The following CNDP1 variants were observed in gnomAD, a reference collection of about 807,000 sequenced individuals.
CNDP1 encodes beta-Ala-His dipeptidase.
CNDP1 carries 44 observed loss-of-function variants against 58.1 expected under a neutral mutation model. The observed-to-expected ratio is 0.76, with a 90% CI of 0.60 to 0.97. The LOEUF is 0.97. CNDP1 is among the 50% of genes least tolerant of loss of function. The probability of loss-of-function intolerance (pLI) is 0.00; values close to 1 mark genes in which losing one functional copy is unlikely to be tolerated. For missense variants in CNDP1, 616 were observed against 655.1 expected, an observed-to-expected ratio of 0.94 and a Z score of 0.65; for synonymous variants, 254 against 252.6, an observed-to-expected ratio of 1.01 and a Z score of -0.05.
In CNDP1 at chr18:74,545,512, G is replaced by A. The variant is rs1980735890; in HGVS notation, c.24+10821G>A. On this transcript the variant is annotated intron_variant, in intron 1 of 11. Transcript: ENST00000358821. This position sits in a 1 kb window ranked among gnomAD's most constrained non-coding sequence, Gnocchi z 4.1. ...GTTATTTGGTGCTGTCTGCATTTTG[G>A]TGTCTCCACCTTGGCCCACGGTCCC... 6.6e-6 allele frequency among the ~76,000 whole-genome samples: 1 copy of A among 152,082 alleles called. No individual in the cohort carries two copies. Among genetic ancestry groups the A allele is most frequent in the African/African-American group, 2.4e-5 (1 of 41,408 alleles).
In CNDP1 at chr18:74,562,117, C is replaced by A; in HGVS notation, c.537C>A (p.Ala179=). The change falls in exon 5 of 12, where the codon GCC becomes GCA. Residue 179 remains alanine (A), a synonymous_variant. Coordinates refer to ENST00000358821, the MANE Select transcript of CNDP1 (RefSeq NM_032649.6). ...PVLAWINAVS[A]FRALEQDLPV... Reference sequence around the variant, plus strand: ...TGGCTTGGATCAATGCTGTGAGCGCCTTCAGAGCCCTGGAGCAAGTAGGTG... The same window carrying A: ...TGGCTTGGATCAATGCTGTGAGCGCATTCAGAGCCCTGGAGCAAGTAGGTG... 1 of 1,614,020 alleles carries A rather than the reference C, an allele frequency of 6.2e-7. No homozygotes were observed. Among genetic ancestry groups the A allele is most frequent in the Non-Finnish European group, 8.5e-7 (1 of 1,179,920 alleles).
At chr18:74,539,714 A>G (rs1309305005) in intron 1 of CNDP1, among the ~76,000 whole-genome samples, 1 of 152,224 alleles carries the variant, frequency 6.6e-6, no homozygotes, top group African/African-American at 2.4e-5. Flanking sequence ...CTGCTTGCCA[A>G]GGCTCAGCCT....
At chr18:74,540,888 C>T (rs1980604666) in intron 1 of CNDP1, among the ~76,000 whole-genome samples, 1 of 152,230 alleles carries the variant, frequency 6.6e-6, no homozygotes, top group African/African-American at 2.4e-5. Context: ...TGTGGAATCC[C>T]TAACTCACTC....
At chr18:74,560,811 A>G (rs371211117) in intron 3 of CNDP1, 45 bp from the exon 4 acceptor site, 61 of 1,581,004 alleles carry the variant, frequency 3.9e-5, no homozygotes, top group Non-Finnish European at 5.0e-5. Context: ...TTTCTGGAAG[A>G]ACAACACAGC....
intron 6 of CNDP1, among the ~76,000 whole-genome samples, chr18:74,570,320 T>C (rs1363373073): frequency 6.6e-6 from 1 of 152,136 alleles, no homozygotes; most frequent in Middle Eastern, 3.4e-3. Flanking sequence ...CAAAAAGAAA[T>C]CCTGGCTTGG....
chr18:74,555,890 A>G (rs1330877620), intron 1 of CNDP1, among the ~76,000 whole-genome samples: 11 of 152,120 alleles, frequency 7.2e-5, no homozygotes. Flanking sequence ...ACCCCACAAC[A>G]CTGGATTTTA....
intron 1 of CNDP1, among the ~76,000 whole-genome samples, chr18:74,547,576 T>G (rs1202533523): frequency 1.3e-5 from 2 of 152,196 alleles, no homozygotes; most frequent in Non-Finnish European, 2.9e-5. Flanking sequence ...GAAGTGTCCT[T>G]CATTAAAGTA....
At chr18:74,575,749 G>A (rs910398227) in intron 7 of CNDP1, among the ~76,000 whole-genome samples, 20 of 151,832 alleles carry the variant, frequency 1.3e-4, no homozygotes, top group Middle Eastern at 3.2e-3. Flanking sequence ...GTGTGTGCGC[G>A]TGTGTGAAGG....
At chr18:74,542,679 C>T (rs970951042) in intron 1 of CNDP1, among the ~76,000 whole-genome samples, 1 of 152,198 alleles carries the variant, frequency 6.6e-6, no homozygotes, top group Non-Finnish European at 1.5e-5. Context: ...GTATGCACCA[C>T]CTGGCCTGGC....
rs546009722 is a variant in CNDP1 at position 74,545,330 on chromosome 18, T to C, written c.24+10639T>C. Among the ~76,000 whole-genome samples the C allele has an allele frequency of 6.6e-6, 1 of 152,068 alleles. No homozygotes were observed. The highest frequency in any genetic ancestry group is 1.9e-4 in the East Asian group (1 of 5,168). On this transcript the variant is annotated intron_variant, in intron 1 of 11. Coordinates refer to ENST00000358821, the MANE Select transcript of CNDP1 (RefSeq NM_032649.6). This position sits in a 1 kb window ranked among gnomAD's most constrained non-coding sequence, Gnocchi z 4.1. ...CGCCAGAGGTGGCCAAGCCCTGGAG[T>C]CCACCCCCGCCTTTAACCGGGGACC... is the stretch of plus-strand genomic sequence containing the variant.
intron 1 of CNDP1, among the ~76,000 whole-genome samples, chr18:74,543,397 G>A (rs1019668756): frequency 4.6e-5 from 7 of 152,082 alleles, no homozygotes; most frequent in Non-Finnish European, 2.9e-5. Flanking sequence ...AGAGGCTGAG[G>A]TGGGACAATC....
intron 1 of CNDP1, among the ~76,000 whole-genome samples, chr18:74,552,081 G>T (rs1408499839): frequency 6.6e-6 from 1 of 152,182 alleles, no homozygotes; most frequent in African/African-American, 2.4e-5. Flanking sequence ...AGCTGGGCTG[G>T]ATCTGGCTTC....
chr18:74,571,243 C>CA lies in CNDP1; in HGVS notation c.814_815insA (p.Pro272HisfsTer4), dbSNP rs760689950. ...AACCTTTGGTGGCATCCTTCATGAA[C>CA]CAATGGCTGATCTGGTTGCTCTTCT... On this transcript the variant is annotated frameshift_variant, in exon 7 of 12. Coordinates refer to ENST00000358821, the MANE Select transcript of CNDP1 (RefSeq NM_032649.6). LOFTEE classifies it high-confidence loss of function. The CA allele has an allele frequency of 8.7e-6, 14 of 1,612,744 alleles. No homozygotes were observed. Among genetic ancestry groups the CA allele is most frequent in the African/African-American group, 1.3e-5 (1 of 74,866 alleles).
Position 74,583,652 on chromosome 18 carries a change from A to C in CNDP1, c.1401A>C (p.Leu467=). The change falls in exon 11 of 12, where the codon CTA becomes CTC. Residue 467 remains leucine (L), a synonymous_variant. Transcript: ENST00000358821. The part of the protein sequence containing the change: ...FQEIVHKSVV[L]IPLGAVDDGE... ...AGATCGTCCACAAGAGCGTGGTGCT[A>C]ATTCCGCTGGGAGCTGTTGATGATG... 2 of 1,614,184 alleles carry C rather than the reference A, an allele frequency of 1.2e-6. No homozygotes were observed. Among genetic ancestry groups the C allele is most frequent in the Non-Finnish European group, 1.7e-6 (2 of 1,180,010 alleles).
intron 4 of CNDP1, chr18:74,561,651 CAT>C (rs1338378614): frequency 5.3e-6 from 1 of 188,758 alleles, no homozygotes; most frequent in African/African-American, 2.3e-5. Context: ...GATATACACA[CAT>C]CTTTTTTTCA....
At chr18:74,551,590 C>T (rs141968451) in intron 1 of CNDP1, among the ~76,000 whole-genome samples, 8 of 152,206 alleles carry the variant, frequency 5.3e-5, no homozygotes, top group East Asian at 3.9e-4. Flanking sequence ...AAGATGAAGT[C>T]GTGCACTTCC....
chr18:74,584,380 A>G, intron 11 of CNDP1, 116 bp from the exon 12 acceptor site: 1 of 723,394 alleles, frequency 1.4e-6, no homozygotes, highest in Non-Finnish European at 2.4e-6. Flanking sequence ...AGTATGTTAA[A>G]TAATTTAAAT....
At chr18:74,543,075 A>T in intron 1 of CNDP1, among the ~76,000 whole-genome samples, 1 of 152,270 alleles carries the variant, frequency 6.6e-6, no homozygotes, top group Admixed American at 6.5e-5. Context: ...TACAAAGAGT[A>T]GAACATGTTT....
At chr18:74,567,188 C>T in intron 5 of CNDP1, 45 bp from the exon 6 acceptor site, 1 of 1,503,024 alleles carries the variant, frequency 6.7e-7, no homozygotes, top group Non-Finnish European at 9.3e-7. Context: ...ACAGCCAAAC[C>T]ACATCAGGCA....
Sources: gnomAD v4.1 joint callset for allele counts (sites outside exome capture counted in the v4.1 genomes callset) on GRCh38, gnomAD v4.1.1 for gene constraint, Gnocchi (gnomAD v3.1) non-coding constraint, MANE v1.5 for transcripts, NCBI Gene and HGNC (gene_info 2026-07-23, HGNC 2026-07-21) for gene names.